The following RSPH14 variants were observed in gnomAD, a reference collection of about 807,000 sequenced individuals.
RSPH14 encodes rhabdoid tumor deletion region gene 1.
Under a neutral mutation model 26.7 loss-of-function variants are expected in RSPH14, and 20 were observed. The observed-to-expected ratio is 0.75, with a 90% confidence interval of 0.53 to 1.09. The LOEUF is 1.09. Among genes scored for constraint, RSPH14 ranks in the 50% least tolerant of loss-of-function variants. The pLI, the probability that RSPH14 is intolerant of heterozygous loss-of-function variation, is 0.00. For synonymous variants in RSPH14, 177 were observed against 189.3 expected (o/e 0.93, Z 0.53); for missense variants, 449 against 457.2 (o/e 0.98, Z 0.16).
At chr22:23,122,344 A>G (rs1327214080) in intron 4 of RSPH14, 3 of 151,916 alleles carry the variant, frequency 2.0e-5, no homozygotes, top group Non-Finnish European at 4.4e-5. Context: ...GGCCCACCAC[A>G]CTCCTGTCCT....
intron 4 of RSPH14, among the ~76,000 whole-genome samples, chr22:23,099,181 G>A (rs935007264): frequency 6.6e-6 from 1 of 152,232 alleles, no homozygotes; most frequent in Non-Finnish European, 1.5e-5. Context: ...GCGTCAGCAC[G>A]TTGCCAAGGA....
chr22:23,073,068 C>G (rs1012100153), intron 4 of RSPH14, among the ~76,000 whole-genome samples: 1 of 152,244 alleles, frequency 6.6e-6, no homozygotes, highest in South Asian at 2.1e-4. Flanking sequence ...GGCTTCCTCC[C>G]CTGGAGGCAA....
At chr22:23,160,559 ATAG>A in the RSPH14 span, among the ~76,000 whole-genome samples, 1 of 152,208 alleles carries the variant, frequency 6.6e-6, no homozygotes, top group Non-Finnish European at 1.5e-5. Context: ...CACTTGGGCC[ATAG>A]TAGCATCTGA....
intron 4 of RSPH14, among the ~76,000 whole-genome samples, chr22:23,117,709 C>G (rs1323635468): frequency 6.6e-6 from 1 of 152,220 alleles, no homozygotes; most frequent in African/African-American, 2.4e-5. Flanking sequence ...CACAACAGTC[C>G]CAGCATTGTA....
intron 3 of RSPH14, among the ~76,000 whole-genome samples, chr22:23,138,288 G>A (rs995285702): frequency 7.2e-5 from 11 of 152,208 alleles, no homozygotes; most frequent in African/African-American, 2.2e-4. Flanking sequence ...TCAGCTAGGT[G>A]CAGTGGCTCA....
chr22:23,136,247 T>G, intron 3 of RSPH14: 1 of 712,310 alleles, frequency 1.4e-6, no homozygotes, highest in Non-Finnish European at 2.6e-6. Flanking sequence ...TGGGATGTCA[T>G]GCAAATTAAC....
chr22:23,076,074 G>T (rs2068498652), intron 4 of RSPH14, among the ~76,000 whole-genome samples: 1 of 152,224 alleles, frequency 6.6e-6, no homozygotes, highest in Non-Finnish European at 1.5e-5. Context: ...TGAGGAGGAG[G>T]CTGTGCTGGA....
chr22:23,154,374 G>A, the RSPH14 span, among the ~76,000 whole-genome samples: 1 of 152,242 alleles, frequency 6.6e-6, no homozygotes, highest in Non-Finnish European at 1.5e-5. Flanking sequence ...ACTCTGTCGA[G>A]ATAGTGCCCC....
chr22:23,107,022 G>A (rs1004251391), intron 4 of RSPH14, among the ~76,000 whole-genome samples: 6 of 152,382 alleles, frequency 3.9e-5, no homozygotes, highest in South Asian at 4.1e-4. Context: ...GGAGCAGCAC[G>A]CTCAGCTGTT....
chr22:23,174,151 G>A, the RSPH14 span, among the ~76,000 whole-genome samples: 269 of 152,188 alleles, frequency 1.8e-3, no homozygotes, highest in African/African-American at 6.2e-3. Context: ...GGTGGCCTCC[G>A]GGAGGGGTTT....
At chr22:23,110,819 G>A (rs1306555301) in intron 4 of RSPH14, among the ~76,000 whole-genome samples, 1 of 152,206 alleles carries the variant, frequency 6.6e-6, no homozygotes, top group Non-Finnish European at 1.5e-5. Flanking sequence ...TGACTCCTGA[G>A]AGCTCAGTGT....
chr22:23,111,100 C>T (rs988970177), intron 4 of RSPH14, among the ~76,000 whole-genome samples: 8 of 152,284 alleles, frequency 5.3e-5, no homozygotes, highest in African/African-American at 1.4e-4. Flanking sequence ...TCCCTGTGAG[C>T]GTGAGCAGGA....
chr22:23,178,415 C>CA, the RSPH14 span, among the ~76,000 whole-genome samples: 16,798 of 128,918 alleles, frequency 0.13, 3,099 homozygotes, highest in African/African-American at 0.42. Context: ...GACTCCGTCT[C>CA]AAAAAAAAAA....
upstream of RSPH14, chr22:23,145,920 A>T: frequency 1.1e-6 from 1 of 948,782 alleles, no homozygotes; most frequent in Non-Finnish European, 1.3e-6. Flanking sequence ...GCTGAAAGTT[A>T]AGGCCCCCAG....
At chr22:23,165,018 C>G in the RSPH14 span, among the ~76,000 whole-genome samples, 1 of 152,096 alleles carries the variant, frequency 6.6e-6, no homozygotes, top group Non-Finnish European at 1.5e-5. Context: ...AGAGAGGCCT[C>G]TGTGGACACC....
intron 2 of RSPH14, 72 bp downstream of exon 2, chr22:23,140,150 C>T: frequency 6.3e-7 from 1 of 1,582,120 alleles, no homozygotes; most frequent in South Asian, 1.1e-5. Flanking sequence ...ACCCTTATTA[C>T]TGAAGTTCTA....
chr22:23,110,963 C>T (rs989063545), intron 4 of RSPH14, among the ~76,000 whole-genome samples: 2 of 152,198 alleles, frequency 1.3e-5, no homozygotes, highest in Admixed American at 1.3e-4. Flanking sequence ...GGGTCAGCGA[C>T]GATTCCATCT....
At chr22:23,075,236 C>T (rs960589587) in intron 4 of RSPH14, among the ~76,000 whole-genome samples, 19 of 152,140 alleles carry the variant, frequency 1.2e-4, no homozygotes, top group African/African-American at 3.9e-4. Context: ...GGGTGGGTTG[C>T]GTTGGACTTT....
At chr22:23,121,302 G>C (rs560569217) in intron 4 of RSPH14, among the ~76,000 whole-genome samples, 2 of 152,314 alleles carry the variant, frequency 1.3e-5, no homozygotes, top group South Asian at 4.1e-4. Context: ...AGGGTTCCAG[G>C]GTAATGACGG....
Sources: allele counts gnomAD v4.1 joint callset (sites outside exome capture counted in the v4.1 genomes callset), GRCh38; gene constraint gnomAD v4.1.1; transcripts MANE v1.5; gene names NCBI Gene and HGNC (gene_info 2026-07-23, HGNC 2026-07-21).